Variants in NOL4L observed in about 807,000 individuals in gnomAD.
NOL4L encodes the protein nucleolar protein 4-like.
In NOL4L, 7 loss-of-function variants were observed where a neutral mutation model predicts 64.5. The observed-to-expected ratio is 0.11, with a 90% CI of 0.06 to 0.20. The LOEUF is 0.20. NOL4L is among the 10% of genes least tolerant of loss of function. NOL4L has a pLI of 1.00. For synonymous variants in NOL4L, 413 were observed against 401.0 expected, an observed-to-expected ratio of 1.03 and a Z score of -0.36; for missense variants, 680 against 967.1, an observed-to-expected ratio of 0.70 and a Z score of 3.94.
intron 5 of NOL4L, among the ~76,000 whole-genome samples, chr20:32,458,988 A>G (rs1403275305): frequency 6.6e-6 from 1 of 152,234 alleles, no homozygotes; most frequent in Admixed American, 6.5e-5. Context: ...CCAGCTACCA[A>G]GACCTTTGCC....
intron 4 of NOL4L, among the ~76,000 whole-genome samples, chr20:32,505,934 G>A (rs1231928764): frequency 6.6e-6 from 1 of 152,062 alleles, no homozygotes; most frequent in African/African-American, 2.4e-5. Context: ...TTCTGTTTCG[G>A]GTGATGAAAA....
At chr20:32,583,772 C>A (rs1980675332) in intron 1 of NOL4L, among the ~76,000 whole-genome samples, 1 of 149,930 alleles carries the variant, frequency 6.7e-6, no homozygotes, top group Non-Finnish European at 1.5e-5. Context: ...GGCCGCCCGC[C>A]TCCTCCCTTT....
In NOL4L at chr20:32,476,234, C is replaced by T. The variant is rs894343809; in HGVS notation, c.700-1492G>A. Among the ~76,000 whole-genome samples, 33 of 151,850 alleles carry T rather than the reference C, an allele frequency of 2.2e-4. 1 individual carries two copies. The highest frequency in any genetic ancestry group is 7.5e-4 in the African/African-American group (31 of 41,372). ...ACACACACACACACACACACACACA[C>T]ACGTTCAAAAGGCTCTGCACAAAGG... On this transcript the variant is annotated intron_variant, in intron 4 of 10. Transcript: ENST00000621426.
intron 1 of NOL4L, among the ~76,000 whole-genome samples, chr20:32,570,943 C>T (rs963138464): frequency 2.6e-5 from 4 of 152,134 alleles, no homozygotes; most frequent in Non-Finnish European, 5.9e-5. Flanking sequence ...ATTAGCACTC[C>T]CACTTTTTTG....
intron 4 of NOL4L, among the ~76,000 whole-genome samples, chr20:32,482,974 G>A (rs1180849749): frequency 6.6e-6 from 1 of 150,976 alleles, no homozygotes; most frequent in African/African-American, 2.4e-5. Context: ...CCGCGGCGCT[G>A]CGCGCACAAT....
intron 1 of NOL4L, among the ~76,000 whole-genome samples, chr20:32,562,232 G>A (rs892658663): frequency 1.3e-5 from 2 of 152,144 alleles, no homozygotes; most frequent in African/African-American, 4.8e-5. Context: ...AGCATGAGAT[G>A]TCAGATTGAC....
intron 4 of NOL4L, chr20:32,483,562 G>T: frequency 1.0e-6 from 1 of 973,856 alleles, no homozygotes; most frequent in Non-Finnish European, 1.2e-6. Flanking sequence ...GGCGAGCAGC[G>T]GCGGCAGCGG....
rs1204101157 is a variant in NOL4L, at chr20:32,469,474, C to T, written c.841+5127G>A. ...GTAACCTCCGCCTCCCGGGTTCAAG[C>T]AATTCTCCTGCCTCAGCCTCCGGAG... On this transcript the variant is annotated intron_variant, in intron 5 of 10. Coordinates refer to ENST00000621426, the MANE Select transcript of NOL4L (RefSeq NM_001256798.2). Among the ~76,000 whole-genome samples, 9 of 151,914 alleles carry T rather than the reference C, an allele frequency of 5.9e-5. No individual in the cohort carries two copies. In the East Asian group the frequency reaches 1.7e-3, roughly 29 times the overall value.
chr20:32,583,646 G>GCC (rs568814676), intron 1 of NOL4L, among the ~76,000 whole-genome samples: 12 of 141,112 alleles, frequency 8.5e-5, no homozygotes, highest in African/African-American at 2.9e-4. Context: ...GGGAGCGGCC[G>GCC]CCCCCCCCCC....
At chr20:32,520,024 C>T (rs2017857002) in intron 3 of NOL4L, 1 of 152,258 alleles carries the variant, frequency 6.6e-6, no homozygotes, top group Admixed American at 6.5e-5. Context: ...AGATTACACA[C>T]CTGTAATCCC....
At chr20:32,517,647 G>A (rs950966656) in intron 3 of NOL4L, among the ~76,000 whole-genome samples, 1 of 152,178 alleles carries the variant, frequency 6.6e-6, no homozygotes. Flanking sequence ...TGGCAGGGCT[G>A]GGGGCCACAT....
Position 32,463,238 on chromosome 20 carries a change from C to T in NOL4L, c.842-6843G>A, listed in dbSNP as rs2014250563. On this transcript the variant is annotated intron_variant, in intron 5 of 10. Transcript: ENST00000621426. The surrounding 1 kb of genome is among the most constrained non-coding windows in gnomAD (Gnocchi z 5.8). ...CTGGGAGTTCTGGATGGACCCTCCA[C>T]ACCTGGAGCTGGAAGTGGAACCTAA... Among the ~76,000 whole-genome samples the T allele has an allele frequency of 6.6e-6, 1 of 152,248 alleles. No homozygotes were observed. Among genetic ancestry groups the T allele is most frequent in the African/African-American group, 2.4e-5 (1 of 41,470 alleles).
chr20:32,454,784 C>T (rs1435595264), intron 6 of NOL4L, among the ~76,000 whole-genome samples: 2 of 152,240 alleles, frequency 1.3e-5, no homozygotes, highest in Non-Finnish European at 2.9e-5. Flanking sequence ...GCTCAGGGAA[C>T]AGGTGGCGGT....
intron 4 of NOL4L, among the ~76,000 whole-genome samples, chr20:32,494,275 A>ACAC (rs2016591292): frequency 1.2e-5 from 1 of 82,968 alleles, no homozygotes; most frequent in African/African-American, 3.7e-5. Flanking sequence ...AAAAAAAAAA[A>ACAC]AAAAAAACAC....
rs1396214348 is a variant in NOL4L at position 32,453,631 on chromosome 20, T to C, written c.1250A>G (p.Asn417Ser). The change falls in exon 7 of 11, where the codon AAT (asparagine) becomes AGT (serine). Residue 417 changes from asparagine (N) to serine (S), a missense_variant. This residue lies in a region of NOL4L where 70 missense variants were observed against 166.1 expected (regional missense o/e 0.42). Coordinates refer to ENST00000621426, the MANE Select transcript of NOL4L (RefSeq NM_001256798.2). The surrounding 1 kb of genome is among the most constrained non-coding windows in gnomAD (Gnocchi z 5.6). ...GCCTTCAGAGTCGTTCATCTTGTCATTGTCCTCATGGTCATCGTGGTCATC... is the reference window on the plus strand; with the variant it reads ...GCCTTCAGAGTCGTTCATCTTGTCACTGTCCTCATGGTCATCGTGGTCATC... ...DDDDHDDHED[N>S]DKMNDSEGMD... 1 of 1,606,972 alleles carries C rather than the reference T, an allele frequency of 6.2e-7. No individual in the cohort carries two copies. Among genetic ancestry groups the C allele is most frequent in the African/African-American group, 1.3e-5 (1 of 74,616 alleles).
chr20:32,523,553 C>T (rs542856245), intron 2 of NOL4L, among the ~76,000 whole-genome samples: 1 of 152,318 alleles, frequency 6.6e-6, no homozygotes, highest in African/African-American at 2.4e-5. Context: ...CTAGCAGATG[C>T]TCTAGTTAAT....
At chr20:32,537,178 G>T (rs1264608002) in intron 1 of NOL4L, 7 of 928,252 alleles carry the variant, frequency 7.5e-6, no homozygotes, top group Non-Finnish European at 9.0e-6. Flanking sequence ...CTGATCTCCC[G>T]TAGTCCTCAC....
intron 1 of NOL4L, among the ~76,000 whole-genome samples, chr20:32,576,110 G>T (rs926696611): frequency 6.6e-6 from 1 of 152,192 alleles, no homozygotes; most frequent in Non-Finnish European, 1.5e-5. Flanking sequence ...TACTGGGAAG[G>T]CCTTGGCTCT....
rs747225026 is a variant in NOL4L, at chr20:32,491,840, G to C, written c.700-17098C>G. Among the ~76,000 whole-genome samples the C allele has an allele frequency of 2.6e-5, 4 of 152,208 alleles. No individual in the cohort carries two copies. The South Asian group carries it at 8.3e-4, about 32-fold the overall frequency. On this transcript the variant is annotated intron_variant, in intron 4 of 10. Transcript: ENST00000621426. ...CCCTAAAGAACACACAGTAGGCTGG[G>C]CATGGTGGCTCACACCCATAATCCC...
Sources: gnomAD v4.1 joint callset for allele counts (sites outside exome capture counted in the v4.1 genomes callset) on GRCh38, gnomAD v4.1.1 for gene constraint, gnomAD v4.1.1 regional missense constraint, Gnocchi (gnomAD v3.1) non-coding constraint, MANE v1.5 for transcripts, NCBI Gene and HGNC (gene_info 2026-07-23, HGNC 2026-07-21) for gene names.